Variants in PPP2R3B observed in about 807,000 individuals in gnomAD.
PPP2R3B encodes the protein serine/threonine-protein phosphatase 2A regulatory subunit B'' subunit beta.
Under a neutral mutation model 72.9 loss-of-function variants are expected in PPP2R3B, and 68 were observed. That is an observed-to-expected ratio of 0.93 (90% CI 0.77 to 1.14). The LOEUF is 1.14. Ranked by LOEUF, PPP2R3B falls within the 50% of genes most tolerant of loss-of-function variation. The pLI, the probability that PPP2R3B is intolerant of heterozygous loss-of-function variation, is 0.00. For synonymous variants in PPP2R3B, 466 were observed against 375.8 expected (o/e 1.24, Z -2.78); for missense variants, 1,018 against 842.0 (o/e 1.21, Z -2.59).
intron 6 of PPP2R3B, among the ~76,000 whole-genome samples, 190 bp downstream of exon 6, chrX:345,984 C>A (rs1296481207): frequency 7.0e-6 from 1 of 143,154 alleles, no homozygotes; most frequent in Non-Finnish European, 1.5e-5. Flanking sequence ...GACCCCCAAC[C>A]GCAGGCGGCG....
chrX:369,819 G>A (rs2071817043), intron 1 of PPP2R3B, among the ~76,000 whole-genome samples: 1 of 152,240 alleles, frequency 6.6e-6, no homozygotes, highest in Non-Finnish European at 1.5e-5. Flanking sequence ...AGTACGGGCT[G>A]CAACGCACAG....
At chrX:356,118 C>G (rs6645207) in intron 2 of PPP2R3B, among the ~76,000 whole-genome samples, 10,639 of 152,142 alleles carry the variant, frequency 0.07, 935 homozygotes, top group East Asian at 0.21. Flanking sequence ...ACGCACAGAA[C>G]GGCTAAAGGC....
At position 354,167 on chromosome X, in the gene PPP2R3B, G is replaced by A. The variant is rs867793827; in HGVS notation, c.511-6474C>T. 1.7e-3 allele frequency among the ~76,000 whole-genome samples: 152 copies of A among 88,260 alleles called. 3 individuals are homozygous for A. The highest frequency in any genetic ancestry group is 3.0e-3 in the Admixed American group (19 of 6,386). The allele number at this position is 88,260 out of a possible 152,430, so 57.9% of individuals were successfully genotyped here. On this transcript the variant is annotated intron_variant, in intron 2 of 12. Coordinates refer to ENST00000390665, the MANE Select transcript of PPP2R3B (RefSeq NM_013239.5). ...ACCCAAACACCGGGGGCTCACCCAG[G>A]GACTAGGGGCTCACCCAAACACCGG... is the stretch of plus-strand genomic sequence containing the variant.
At chrX:350,017 C>G (rs771634858) in intron 2 of PPP2R3B, among the ~76,000 whole-genome samples, 2 of 152,270 alleles carry the variant, frequency 1.3e-5, no homozygotes, top group East Asian at 1.9e-4. Context: ...CACGGACAGG[C>G]TCATGTGAAA....
At chrX:383,402 CG>C (rs2072166607) in intron 1 of PPP2R3B, among the ~76,000 whole-genome samples, 1 of 152,056 alleles carries the variant, frequency 6.6e-6, no homozygotes. Flanking sequence ...CAAGTTCCGA[CG>C]GAACATTCTG....
chrX:372,367 G>A (rs1162501747), intron 1 of PPP2R3B, among the ~76,000 whole-genome samples: 1 of 152,182 alleles, frequency 6.6e-6, no homozygotes, highest in African/African-American at 2.4e-5. Context: ...CCTTCAAGCA[G>A]GATGCCTTGG....
chrX:384,890 G>A (rs183764533), intron 1 of PPP2R3B, among the ~76,000 whole-genome samples: 4 of 149,690 alleles, frequency 2.7e-5, no homozygotes, highest in African/African-American at 4.9e-5. Context: ...GAGGCTGAGG[G>A]AGGAGAATCG....
At chrX:363,513 C>T (rs1329422046) in intron 1 of PPP2R3B, among the ~76,000 whole-genome samples, 13 of 131,404 alleles carry the variant, frequency 9.9e-5, no homozygotes, top group African/African-American at 1.7e-4. Flanking sequence ...TCTCCCCGAG[C>T]CCGCGATCCC....
rs201245062 is a variant in PPP2R3B at position 338,654 on chromosome X, C to G, written c.1527G>C (p.Glu509Asp). Residue 509 changes from glutamate (E) to aspartate (D), a missense_variant, in exon 12 of 13, where the codon GAG becomes GAC. Transcript: ENST00000390665. The stretch of plus-strand genomic sequence containing the variant: ...TCTCCTCGGCCACCAGGATGTCGTA[C>G]TCCTCGGCCGCGTACTTCTCCCAGT... ...LSDWEKYAAE[E>D]YDILVAEETA... is the part of the protein sequence containing the mutation. The G allele has an allele frequency of 6.2e-7, 1 of 1,611,400 alleles. No homozygotes were observed.
At chrX:339,368 G>A (rs1325174632) in intron 10 of PPP2R3B, among the ~76,000 whole-genome samples, 1 of 118,082 alleles carries the variant, frequency 8.5e-6, no homozygotes, top group African/African-American at 3.4e-5. Context: ...AGGAAGCCAG[G>A]CGGCGTGGAC....
intron 11 of PPP2R3B, 29 bp from the exon 12 acceptor site, chrX:338,739 G>C (rs201097784): frequency 1.9e-6 from 3 of 1,611,556 alleles, no homozygotes; most frequent in African/African-American, 1.3e-5. Flanking sequence ...TTACGTACAC[G>C]GCGTGGCGCG....
intron 10 of PPP2R3B, among the ~76,000 whole-genome samples, chrX:340,472 ACCCTGGGCCGTCCCCCCTCCCG>A (rs2071031091): frequency 2.0e-5 from 1 of 50,940 alleles, no homozygotes; most frequent in African/African-American, 6.5e-5. Context: ...CTGTCCCCTC[ACCCTGGGCCGTCCCCCCTCCCG>A]TCCGTCCCCT....
At chrX:341,192 C>T (rs1454255963) in intron 9 of PPP2R3B, 115 bp downstream of exon 9, 27 of 1,084,802 alleles carry the variant, frequency 2.5e-5, no homozygotes, top group Admixed American at 3.5e-5. Context: ...TGCACATGTC[C>T]CCCTGTGCCG....
intron 12 of PPP2R3B, chrX:335,601 CAG>C (rs1415496518): frequency 6.6e-6 from 1 of 152,194 alleles, no homozygotes; most frequent in African/African-American, 2.4e-5. Context: ...GCACCAAAAT[CAG>C]AAGGCCGCGG....
chrX:375,880 T>G (rs2071982381), intron 1 of PPP2R3B, among the ~76,000 whole-genome samples: 1 of 95,236 alleles, frequency 1.1e-5, no homozygotes, highest in South Asian at 3.0e-4. Flanking sequence ...TACTGCCAGG[T>G]TTCCTCTTTC....
rs770614744 is a variant in PPP2R3B, at chrX:338,602, ACC to A, written c.1577_1577+1del. On this transcript the variant is annotated splice_donor_variant and coding_sequence_variant, in exon 12 of 13. Transcript: ENST00000390665. LOFTEE classifies it high-confidence loss of function. Reference sequence around the variant, plus strand: ...CCCCACTCACCCGTCCTCCCCACTCACCCGTCCTCCCAGGGCTCTCCCGCAGT... The same window carrying A: ...CCCCACTCACCCGTCCTCCCCACTCACGTCCTCCCAGGGCTCTCCCGCAGT... 6.3e-7 allele frequency: 1 copy of A among 1,592,514 alleles called. No individual in the cohort carries two copies. The highest frequency in any genetic ancestry group is 1.1e-5 in the South Asian group (1 of 89,734).
intron 2 of PPP2R3B, among the ~76,000 whole-genome samples, chrX:349,003 T>C (rs894505900): frequency 3.0e-4 from 46 of 152,064 alleles, no homozygotes; most frequent in Non-Finnish European, 1.3e-4. Context: ...GAACACACAG[T>C]AGCAAGTCCA....
intron 1 of PPP2R3B, among the ~76,000 whole-genome samples, chrX:368,363 C>T (rs5987275): frequency 0.11 from 5,392 of 48,456 alleles, 1,059 homozygotes; most frequent in African/African-American, 0.12. Context: ...CCACCCACCC[C>T]GGGCACCGAC....
chrX:356,221 GTTTTTTT>G (rs2071431932), intron 2 of PPP2R3B, among the ~76,000 whole-genome samples: 1 of 152,022 alleles, frequency 6.6e-6, no homozygotes, highest in African/African-American at 2.4e-5. Flanking sequence ...TTTGTTTTTT[GTTTTTTT>G]GCGTAGAGAC....
Sources: allele counts gnomAD v4.1 joint callset (sites outside exome capture counted in the v4.1 genomes callset), GRCh38; gene constraint gnomAD v4.1.1; transcripts MANE v1.5; gene names NCBI Gene and HGNC (gene_info 2026-07-23, HGNC 2026-07-21).